The following ZNF8 variants were observed in gnomAD, a reference collection of about 807,000 sequenced individuals.
ZNF8 encodes the protein zinc finger protein 8.
In ZNF8, 9 loss-of-function variants were observed where a neutral mutation model predicts 12.2. That is an observed-to-expected ratio of 0.73 (90% confidence interval 0.44 to 1.28). The LOEUF is 1.28. ZNF8 is among the 50% of genes most tolerant of loss of function. ZNF8 has a pLI of 0.00. For missense variants in ZNF8, 664 were observed against 729.1 expected (o/e 0.91, Z 1.03); for synonymous variants, 274 against 282.3 (o/e 0.97, Z 0.30).
In ZNF8 at chr19:58,295,924, G is replaced by T; in HGVS notation, c.*388G>T. On this transcript the variant is annotated 3_prime_UTR_variant, in exon 4 of 4. Transcript: ENST00000621650. Reference sequence around the variant, plus strand: ...TGCAGTATTTCTCCTTGTCACTGTGGGCCCAATTTTGCCAGGAGACCTAGG... The same window carrying T: ...TGCAGTATTTCTCCTTGTCACTGTGTGCCCAATTTTGCCAGGAGACCTAGG... 5.5e-6 allele frequency: 1 copy of T among 182,216 alleles called. No homozygotes were observed. Among genetic ancestry groups the T allele is most frequent in the Admixed American group, 5.5e-5 (1 of 18,022 alleles). The allele number at this position is 182,216 out of a possible 1,614,324, so 11.3% of individuals were successfully genotyped here.
rs1306483614 is a variant in ZNF8, at chr19:58,294,192, G to A, written c.384G>A (p.Pro128=). 2.2e-5 allele frequency: 35 copies of A among 1,614,042 alleles called. No homozygotes were observed. Among genetic ancestry groups the A allele is most frequent in the Non-Finnish European group, 2.9e-5 (34 of 1,180,026 alleles). The change falls in exon 4 of 4, where the codon CCG becomes CCA. Residue 128 remains proline (P), a synonymous_variant. Coordinates refer to ENST00000621650, the MANE Select transcript of ZNF8 (RefSeq NM_021089.3). This position sits in a 1 kb window ranked among gnomAD's most constrained non-coding sequence, Gnocchi z 5.5. ...ATGTCACGGGAAGGGAAGGATTCCC[G>A]ACAGATGCTCCTTATCCCACCACGT... ...PSHVTGREGF[P]TDAPYPTTLG... is the part of the protein sequence containing the mutation.
chr19:58,294,848 G>A lies in ZNF8; in HGVS notation c.1040G>A (p.Gly347Glu). 2 of 1,614,090 alleles carry A rather than the reference G, an allele frequency of 1.2e-6. No individual in the cohort carries two copies. Among genetic ancestry groups the A allele is most frequent in the Non-Finnish European group, 1.7e-6 (2 of 1,180,008 alleles). Residue 347 changes from glycine (G) to glutamate (E), a missense_variant, in exon 4 of 4, where the codon GGG becomes GAG. Gly to Glu is a moderately conservative substitution (Grantham distance 98). Around this residue, in one of 3 missense-constraint regions of ZNF8, gnomAD observed 133 missense variants for 198.4 expected, o/e 0.67. Coordinates refer to ENST00000621650, the MANE Select transcript of ZNF8 (RefSeq NM_021089.3). The surrounding 1 kb of genome is among the most constrained non-coding windows in gnomAD (Gnocchi z 5.5). Reference sequence around the variant, plus strand: ...AAGCCCTATGAGTGTCAGGACTGTGGGAGGGCCTTCAACCAGAACTCCTCC... The same window carrying A: ...AAGCCCTATGAGTGTCAGGACTGTGAGAGGGCCTTCAACCAGAACTCCTCC... ...GEKPYECQDC[G>E]RAFNQNSSLG...
chr19:58,283,213 C>T (rs1600452503), intron 1 of ZNF8, among the ~76,000 whole-genome samples: 2 of 152,026 alleles, frequency 1.3e-5, no homozygotes, highest in African/African-American at 2.4e-5. Context: ...CTCGAGTGAT[C>T]TGCCTGCCTC....
At chr19:58,280,801 T>G (rs1207135795) in intron 1 of ZNF8, among the ~76,000 whole-genome samples, 22 of 152,248 alleles carry the variant, frequency 1.4e-4, no homozygotes, top group Admixed American at 1.4e-3. Context: ...CTTTTCCAGC[T>G]GTGAGAGGTA....
At chr19:58,279,390 G>T (rs747532225) in intron 1 of ZNF8, 1 of 1,447,442 alleles carries the variant, frequency 6.9e-7, no homozygotes, top group Admixed American at 2.6e-5. Flanking sequence ...CCTCCCCAGG[G>T]CTGGGGTCGG....
chr19:58,281,800 G>A (rs531972241), intron 1 of ZNF8, among the ~76,000 whole-genome samples: 1 of 152,296 alleles, frequency 6.6e-6, no homozygotes, highest in East Asian at 1.9e-4. Context: ...TTTCTTAAAA[G>A]GAAATGTCCT....
rs543850427 is a variant in ZNF8 at position 58,302,212 on chromosome 19, C to T, written c.*6676C>T. ...ACTCCTCCGTGGAAATTACTGTTAA[C>T]TAGGGAAAAGACATGTTTTTTTCTG... On this transcript the variant is annotated 3_prime_UTR_variant, in exon 4 of 4. Transcript: ENST00000621650. The T allele has an allele frequency of 1.3e-5, 2 of 152,070 alleles. No homozygotes were observed. Among genetic ancestry groups the T allele is most frequent in the South Asian group, 2.1e-4 (1 of 4,742 alleles). The allele number at this position is 152,070 out of a possible 1,614,324, so 9.4% of individuals were successfully genotyped here. A position where few individuals can be genotyped will look rare whatever the true frequency, so the allele number is the denominator to read the frequency against.
intron 1 of ZNF8, among the ~76,000 whole-genome samples, chr19:58,283,068 T>G (rs1001926639): frequency 3.3e-5 from 5 of 150,932 alleles, no homozygotes; most frequent in African/African-American, 1.2e-4. Flanking sequence ...ACCTCCACTT[T>G]CCAGACTCAA....
chr19:58,294,783 T>C lies in ZNF8; in HGVS notation c.975T>C (p.Ser325=), dbSNP rs770996915. The change falls in exon 4 of 4, where the codon AGT becomes AGC. Residue 325 remains serine (S), a synonymous_variant. Transcript: ENST00000621650. The surrounding 1 kb of genome is among the most constrained non-coding windows in gnomAD (Gnocchi z 5.5). ...AATGTGGGAAGTCTTTCTGCCATAG[T>C]ACACACCTTACCGTCCATCGGAGGA... is the stretch of plus-strand genomic sequence containing the variant. ...CAECGKSFCH[S]THLTVHRRIH... 5.0e-6 allele frequency: 8 copies of C among 1,614,114 alleles called. No individual in the cohort carries two copies. The highest frequency in any genetic ancestry group is 1.3e-5 in the African/African-American group (1 of 75,006).
chr19:58,283,347 A>G (rs1478936151), intron 1 of ZNF8, among the ~76,000 whole-genome samples: 1 of 152,064 alleles, frequency 6.6e-6, no homozygotes, highest in African/African-American at 2.4e-5. Context: ...GTGTCTCCCA[A>G]ATTTCATGTG....
rs553583402 is a variant in ZNF8, at chr19:58,279,090, C to A, written c.9C>A (p.Pro3=). The A allele has an allele frequency of 6.6e-7, 1 of 1,524,746 alleles. No individual in the cohort carries two copies. The highest frequency in any genetic ancestry group is 2.0e-5 in the Admixed American group (1 of 50,734). The allele number at this position is 1,524,746 out of a possible 1,614,324, so 94.5% of individuals were successfully genotyped here. ...TCACTGGGCGATCCAGCATGGACCC[C>A]GAGGACGAAGGGGTAGCGGGAGTGA... MD[P]EDEGVAGVMS... is the part of the protein sequence containing the mutation. The change falls in exon 1 of 4, where the codon CCC becomes CCA. Residue 3 remains proline (P), a synonymous_variant. Transcript: ENST00000621650.
rs779181781 is a variant in ZNF8, at chr19:58,294,757, G to A, written c.949G>A (p.Glu317Lys). 18 of 1,614,014 alleles carry A rather than the reference G, an allele frequency of 1.1e-5. No individual in the cohort carries two copies. Among genetic ancestry groups the A allele is most frequent in the Non-Finnish European group, 1.3e-5 (15 of 1,180,040 alleles). Residue 317 changes from glutamate to lysine, a missense_variant, in exon 4 of 4, where the codon GAA becomes AAA. Glu to Lys is a moderately conservative substitution (Grantham distance 56). Around this residue, in one of 3 missense-constraint regions of ZNF8, gnomAD observed 133 missense variants for 198.4 expected, o/e 0.67. Coordinates refer to ENST00000621650, the MANE Select transcript of ZNF8 (RefSeq NM_021089.3). This position sits in a 1 kb window ranked among gnomAD's most constrained non-coding sequence, Gnocchi z 5.5. ...HTGDKPYKCA[E>K]CGKSFCHSTH... ...TGGAGACAAGCCCTACAAGTGTGCC[G>A]AATGTGGGAAGTCTTTCTGCCATAG...
chr19:58,294,262 G>A lies in ZNF8; in HGVS notation c.454G>A (p.Glu152Lys), dbSNP rs2051438410. 1 of 1,613,956 alleles carries A rather than the reference G, an allele frequency of 6.2e-7. No homozygotes were observed. The highest frequency in any genetic ancestry group is 8.5e-7 in the Non-Finnish European group (1 of 1,180,026). ...ECQSQSLALK[E>K]QNNLKQLEFG... Reference sequence around the variant, plus strand: ...TCAGAGCCAGAGTCTGGCACTCAAGGAGCAGAATAACTTGAAGCAGTTGGA... The same window carrying A: ...TCAGAGCCAGAGTCTGGCACTCAAGAAGCAGAATAACTTGAAGCAGTTGGA... The change falls in exon 4 of 4, where the codon GAG (glutamate) becomes AAG (lysine). Residue 152 changes from glutamate (E) to lysine (K), a missense_variant. Coordinates refer to ENST00000621650, the MANE Select transcript of ZNF8 (RefSeq NM_021089.3). The surrounding 1 kb of genome is among the most constrained non-coding windows in gnomAD (Gnocchi z 5.5).
Position 58,285,741 on chromosome 19 carries a change from G to A in ZNF8, c.91G>A (p.Ala31Thr), listed in dbSNP as rs772249760. 3 of 1,614,194 alleles carry A rather than the reference G, an allele frequency of 1.9e-6. No individual in the cohort carries two copies. Among genetic ancestry groups the A allele is most frequent in the Non-Finnish European group, 2.5e-6 (3 of 1,180,030 alleles). ...GGAACCAGTGACCTTCCGGGATGTGGCTGTGGACTTTACCCAGGAGGAATG... is the reference window on the plus strand; with the variant it reads ...GGAACCAGTGACCTTCCGGGATGTGACTGTGGACTTTACCCAGGAGGAATG... Reference protein sequence around the residue: ...LQEPVTFRDVAVDFTQEEWGQ... With the variant: ...LQEPVTFRDVTVDFTQEEWGQ... Residue 31 changes from alanine (A) to threonine (T), a missense_variant, in exon 2 of 4, where the codon GCT (alanine) becomes ACT (threonine). Coordinates refer to ENST00000621650, the MANE Select transcript of ZNF8 (RefSeq NM_021089.3).
In ZNF8 at chr19:58,294,584, G is replaced by T. The variant is rs1291581371; in HGVS notation, c.776G>T (p.Cys259Phe). 6.2e-7 allele frequency: 1 copy of T among 1,614,126 alleles called. No homozygotes were observed. Among genetic ancestry groups the T allele is most frequent in the South Asian group, 1.1e-5 (1 of 91,082 alleles). ...KSQVQDKPYK[C>F]TDCGKSFNHN... ...CAGGTGCAGGACAAACCCTACAAAT[G>T]TACTGACTGTGGGAAGTCGTTTAAC... The change falls in exon 4 of 4, where the codon TGT (cysteine) becomes TTT (phenylalanine). Residue 259 changes from cysteine to phenylalanine, a missense_variant. Physicochemically the swap from Cys to Phe is radical, Grantham distance 205. This residue lies in a region of ZNF8 where 133 missense variants were observed against 198.4 expected (regional missense o/e 0.67). Transcript: ENST00000621650. The surrounding 1 kb of genome is among the most constrained non-coding windows in gnomAD (Gnocchi z 5.5).
intron 3 of ZNF8, among the ~76,000 whole-genome samples, chr19:58,293,721 A>G (rs891682837): frequency 5.3e-5 from 8 of 152,236 alleles, no homozygotes; most frequent in South Asian, 2.1e-4. Context: ...GGCAGCCTCT[A>G]GGAACGGGAA....
rs145879741 is a variant in ZNF8 at position 58,298,418 on chromosome 19, G to A, written c.*2882G>A. 1,303 of 152,328 alleles carry A rather than the reference G, an allele frequency of 8.6e-3. 9 individuals carry two copies. Among genetic ancestry groups the A allele is most frequent in the Middle Eastern group, 0.027 (8 of 298 alleles). 9.4% of individuals were successfully genotyped at this position (152,328 alleles called of 1,614,324 possible). Reference sequence around the variant, plus strand: ...TGGCTCACTGCAACCTCCGCCTCCCGGGTTCAAGCAGTTCTCATGCTTCAG... The same window carrying A: ...TGGCTCACTGCAACCTCCGCCTCCCAGGTTCAAGCAGTTCTCATGCTTCAG... On this transcript the variant is annotated 3_prime_UTR_variant, in exon 4 of 4. Coordinates refer to ENST00000621650, the MANE Select transcript of ZNF8 (RefSeq NM_021089.3).
Position 58,294,696 on chromosome 19 carries a change from G to C in ZNF8, c.888G>C (p.Gln296His). The C allele has an allele frequency of 6.2e-7, 1 of 1,614,170 alleles. No homozygotes were observed. Among genetic ancestry groups the C allele is most frequent in the Non-Finnish European group, 8.5e-7 (1 of 1,180,018 alleles). ...AGGAGTGTGGGAAAGCCTTCAGCCA[G>C]AACTCCTCCCTCGTCCAGCATGAGC... Reference protein sequence around the residue: ...MCKECGKAFSQNSSLVQHERI... With the variant: ...MCKECGKAFSHNSSLVQHERI... The change falls in exon 4 of 4, where the codon CAG becomes CAC. Residue 296 changes from glutamine (Q) to histidine (H), a missense_variant. By Grantham distance (24) the Gln-to-His change is conservative. Around this residue, in one of 3 missense-constraint regions of ZNF8, gnomAD observed 133 missense variants for 198.4 expected, o/e 0.67. Transcript: ENST00000621650. This position sits in a 1 kb window ranked among gnomAD's most constrained non-coding sequence, Gnocchi z 5.5.
rs2051440539 is a variant in ZNF8 at position 58,294,509 on chromosome 19, G to C, written c.701G>C (p.Cys234Ser). The change falls in exon 4 of 4, where the codon TGT becomes TCT. Residue 234 changes from cysteine (C) to serine (S), a missense_variant. Cys to Ser is a moderately radical substitution (Grantham distance 112). Transcript: ENST00000621650. The surrounding 1 kb of genome is among the most constrained non-coding windows in gnomAD (Gnocchi z 5.5). ...PGKQPGENSD[C>S]HRDSSQAIPI... ...AAACAGCCCGGTGAAAACAGTGACT[G>C]TCACAGAGATTCCAGTCAGGCCATT... 4.3e-6 allele frequency: 7 copies of C among 1,614,184 alleles called. No individual in the cohort carries two copies. The Admixed American group carries it at 8.3e-5, about 19-fold the overall frequency.
Sources: gnomAD v4.1 joint callset for allele counts (sites outside exome capture counted in the v4.1 genomes callset) on GRCh38, gnomAD v4.1.1 for gene constraint, gnomAD v4.1.1 regional missense constraint, Gnocchi (gnomAD v3.1) non-coding constraint, MANE v1.5 for transcripts, NCBI Gene and HGNC (gene_info 2026-07-23, HGNC 2026-07-21) for gene names.